SDK1: variants seen among roughly 807,000 people sequenced by gnomAD.
The protein encoded by SDK1 is sidekick cell adhesion molecule 1.
In SDK1, 157 loss-of-function variants were observed where a neutral mutation model predicts 245.5. That is an observed-to-expected ratio of 0.64 (90% confidence interval 0.56 to 0.73). The LOEUF (loss-of-function observed/expected upper bound fraction) is 0.73, where lower values mean the gene tolerates loss of function less well. Among genes scored for constraint, SDK1 ranks in the 30% least tolerant of loss-of-function variants. The probability of loss-of-function intolerance (pLI) is 0.00; values close to 1 mark genes in which losing one functional copy is unlikely to be tolerated. For synonymous variants in SDK1, 1,647 were observed against 1,278.5 expected, an observed-to-expected ratio of 1.29 and a Z score of -6.15; for missense variants, 3,583 against 3,002.3, an observed-to-expected ratio of 1.19 and a Z score of -4.52.
intron 4 of SDK1, among the ~76,000 whole-genome samples, chr7:3,672,764 T>TATACATATATATATATATATATATAC (rs1282047721): frequency 1.5e-5 from 1 of 68,862 alleles, no homozygotes; most frequent in African/African-American, 6.3e-5. Flanking sequence ...TAATTTTATA[T>TATACATATATATATATATATATATAC]ATATATATAT....
At chr7:3,318,249 G>A (rs34608458) in intron 1 of SDK1, among the ~76,000 whole-genome samples, 94,502 of 152,046 alleles carry the variant, frequency 0.62, 30,668 homozygotes, top group African/African-American at 0.83. Flanking sequence ...CTTTAAAGCC[G>A]TCTGCTGTAG....
chr7:4,181,867 C>T (rs1167566712), intron 35 of SDK1, among the ~76,000 whole-genome samples: 1 of 152,244 alleles, frequency 6.6e-6, no homozygotes, highest in Non-Finnish European at 1.5e-5. Context: ...CCAGAGTGCC[C>T]TGTGCAGCCC....
intron 5 of SDK1, among the ~76,000 whole-genome samples, chr7:3,900,287 C>T (rs934139797): frequency 7.2e-5 from 11 of 152,198 alleles, no homozygotes; most frequent in South Asian, 2.1e-4. Flanking sequence ...ATATTTAACA[C>T]GCGTAATTGA....
rs751468025 is a variant in SDK1 at position 4,174,239 on chromosome 7, C to T, written c.4818C>T (p.Ser1606=). The part of the protein sequence containing the change: ...LIQWQPPRDE[S]LNGLLQGYRI... ...CTTTGCAGCCTCCGAGGGACGAAAG[C>T]CTGAATGGCCTTCTTCAGGGATACA... Residue 1606 remains serine (S), a synonymous_variant, in exon 33 of 45, where the codon AGC becomes AGT. Coordinates refer to ENST00000404826, the MANE Select transcript of SDK1 (RefSeq NM_152744.4). 6.2e-6 allele frequency: 10 copies of T among 1,614,074 alleles called. No individual in the cohort carries two copies. The highest frequency in any genetic ancestry group is 1.6e-4 in the Middle Eastern group (1 of 6,062).
At chr7:3,800,113 G>T (rs542020830) in intron 4 of SDK1, among the ~76,000 whole-genome samples, 82 of 152,210 alleles carry the variant, frequency 5.4e-4, no homozygotes, top group African/African-American at 1.7e-3. Context: ...CAACGTTTCT[G>T]TTGGGCAGGA....
intron 4 of SDK1, among the ~76,000 whole-genome samples, chr7:3,660,025 C>T (rs1048539872): frequency 7.2e-5 from 11 of 152,054 alleles, no homozygotes; most frequent in Non-Finnish European, 1.2e-4. Flanking sequence ...CTGGTGACAA[C>T]AATTAACCAG....
intron 4 of SDK1, among the ~76,000 whole-genome samples, chr7:3,652,937 G>C (rs532789828): frequency 6.6e-6 from 1 of 152,324 alleles, no homozygotes; most frequent in South Asian, 2.1e-4. Flanking sequence ...AAGACTGCAG[G>C]AGTCTATTGA....
chr7:4,216,888 C>G (rs909265786), intron 38 of SDK1, among the ~76,000 whole-genome samples: 2 of 152,184 alleles, frequency 1.3e-5, no homozygotes, highest in Non-Finnish European at 2.9e-5. Flanking sequence ...CTGGGCAGAG[C>G]CCAGGGCCAT....
chr7:3,729,010 G>A (rs1419084263), intron 4 of SDK1, among the ~76,000 whole-genome samples: 1 of 152,152 alleles, frequency 6.6e-6, no homozygotes, highest in East Asian at 1.9e-4. Context: ...GATGCCAACG[G>A]TGTCTCCTGA....
chr7:4,014,645 G>C (rs1329607317), intron 16 of SDK1, among the ~76,000 whole-genome samples: 1 of 152,226 alleles, frequency 6.6e-6, no homozygotes, highest in African/African-American at 2.4e-5. Context: ...CGCGTGTGCA[G>C]TAATAAAATA....
intron 26 of SDK1, chr7:4,129,568 C>A: frequency 1.3e-6 from 1 of 797,096 alleles, no homozygotes; most frequent in Non-Finnish European, 1.6e-6. Flanking sequence ...TGGCAGGAAG[C>A]AGAGTGTTGT....
chr7:4,074,892 A>T (rs1396054577), intron 20 of SDK1, among the ~76,000 whole-genome samples: 2 of 68,366 alleles, frequency 2.9e-5, no homozygotes, highest in Admixed American at 1.4e-4. Flanking sequence ...CTCTGTATAT[A>T]TATATATATA....
intron 4 of SDK1, among the ~76,000 whole-genome samples, chr7:3,789,381 C>T (rs936394885): frequency 1.7e-4 from 26 of 152,316 alleles, no homozygotes; most frequent in African/African-American, 5.8e-4. Flanking sequence ...CCCCCGACCT[C>T]AGGTGATCCA....
intron 1 of SDK1, among the ~76,000 whole-genome samples, chr7:3,546,393 CAG>C (rs1779227735): frequency 6.6e-6 from 1 of 152,206 alleles, no homozygotes; most frequent in South Asian, 2.1e-4. Context: ...GTTGACCTAA[CAG>C]ATGATCAGAT....
At chr7:3,591,553 G>A (rs1458719408) in intron 1 of SDK1, among the ~76,000 whole-genome samples, 3 of 152,220 alleles carry the variant, frequency 2.0e-5, no homozygotes, top group Non-Finnish European at 4.4e-5. Context: ...AAAACAAATT[G>A]CAGTAATCAC....
chr7:3,584,498 G>A (rs2128633716), intron 1 of SDK1, among the ~76,000 whole-genome samples: 1 of 152,294 alleles, frequency 6.6e-6, no homozygotes, highest in Admixed American at 6.5e-5. Context: ...CCCACCTGAA[G>A]TCCCCTGTGG....
At chr7:4,209,053 G>C (rs1784382741) in intron 37 of SDK1, among the ~76,000 whole-genome samples, 1 of 152,212 alleles carries the variant, frequency 6.6e-6, no homozygotes, top group African/African-American at 2.4e-5. Flanking sequence ...CATGGGTTCA[G>C]CTGACCCACA....
At chr7:3,517,528 C>G (rs1049438297) in intron 1 of SDK1, among the ~76,000 whole-genome samples, 28 of 152,128 alleles carry the variant, frequency 1.8e-4, no homozygotes, top group Non-Finnish European at 3.4e-4. Flanking sequence ...AATGTATTGA[C>G]CTGTTGCATT....
intron 9 of SDK1, among the ~76,000 whole-genome samples, chr7:3,966,442 C>T (rs1302498885): frequency 6.6e-6 from 1 of 152,016 alleles, no homozygotes; most frequent in African/African-American, 2.4e-5. Context: ...TTAGGCGAGC[C>T]CTCGCTGAAG....
Sources: allele counts gnomAD v4.1 joint callset (sites outside exome capture counted in the v4.1 genomes callset), GRCh38; gene constraint gnomAD v4.1.1; transcripts MANE v1.5; gene names NCBI Gene and HGNC (gene_info 2026-07-23, HGNC 2026-07-21).